Variants in GLIS3 observed in about 807,000 individuals in gnomAD.
GLIS3 encodes the protein GLIS family zinc finger 3, also known as zinc finger protein GLIS3.
GLIS3 carries 53 observed loss-of-function variants against 78.6 expected under a neutral mutation model. The ratio of observed to expected loss-of-function variants is 0.67; its 90% CI spans 0.54 to 0.85. The LOEUF (loss-of-function observed/expected upper bound fraction) is 0.85, where lower values mean the gene tolerates loss of function less well. GLIS3 is among the 40% of genes least tolerant of loss of function. The probability of loss-of-function intolerance (pLI) is 0.00; values close to 1 mark genes in which losing one functional copy is unlikely to be tolerated. For missense variants in GLIS3, 1,703 were observed against 1,231.1 expected, an observed-to-expected ratio of 1.38 and a Z score of -5.74; for synonymous variants, 684 against 509.9, an observed-to-expected ratio of 1.34 and a Z score of -4.60.
intron 2 of GLIS3, among the ~76,000 whole-genome samples, chr9:4,245,023 TA>T (rs1269923895): frequency 6.6e-6 from 1 of 152,212 alleles, no homozygotes; most frequent in Non-Finnish European, 1.5e-5. Context: ...AGAAGATCCT[TA>T]ATCAAATAAA....
the GLIS3 span, among the ~76,000 whole-genome samples, chr9:4,467,024 T>A: frequency 4.6e-3 from 696 of 152,302 alleles, 4 homozygotes; most frequent in African/African-American, 0.016. Context: ...CCACGGTGCC[T>A]CACTCACTGC....
intron 2 of GLIS3, among the ~76,000 whole-genome samples, chr9:4,163,091 C>T (rs1179026580): frequency 2.6e-5 from 4 of 152,162 alleles, no homozygotes; most frequent in South Asian, 4.1e-4. Flanking sequence ...TTATACATCA[C>T]CTCCACTAGA....
rs369866549 is a variant in GLIS3 at position 3,883,030 on chromosome 9, G to T, written c.2129-3435C>A. 3.3e-5 allele frequency among the ~76,000 whole-genome samples: 5 copies of T among 152,130 alleles called. 1 individual carries two copies. Among genetic ancestry groups the T allele is most frequent in the Admixed American group, 1.3e-4 (2 of 15,270 alleles). On this transcript the variant is annotated intron_variant, in intron 7 of 10. Transcript: ENST00000381971. ...GATGATGACCAGAAATTTGGAGGAA[G>T]TAACAACAGACACAAGCATGCTTTC... is the stretch of plus-strand genomic sequence containing the variant.
chr9:4,330,196 C>T (rs1441299655), intron 2 of GLIS3, among the ~76,000 whole-genome samples: 2 of 152,132 alleles, frequency 1.3e-5, no homozygotes, highest in African/African-American at 4.8e-5. Context: ...CTGGATTTTG[C>T]CAGTAGAAGG....
At chr9:4,430,812 T>C in the GLIS3 span, among the ~76,000 whole-genome samples, 11 of 152,216 alleles carry the variant, frequency 7.2e-5, no homozygotes, top group African/African-American at 9.7e-5. Context: ...AACTAGGACA[T>C]TGAGTCACTT....
chr9:4,056,587 G>C (rs141940909), intron 4 of GLIS3, among the ~76,000 whole-genome samples: 2 of 152,162 alleles, frequency 1.3e-5, no homozygotes, highest in Non-Finnish European at 2.9e-5. Flanking sequence ...AGGTTGAAGA[G>C]AGAAGAGAGA....
Position 3,826,031 on chromosome 9 carries a change from C to G in GLIS3, c.*2241G>C, listed in dbSNP as rs1020547235. 6.6e-6 allele frequency: 1 copy of G among 152,154 alleles called. No homozygotes were observed. The highest frequency in any genetic ancestry group is 1.5e-5 in the Non-Finnish European group (1 of 68,042). The allele number at this position is 152,154 out of a possible 1,614,324, so 9.4% of individuals were successfully genotyped here. A position where few individuals can be genotyped will look rare whatever the true frequency, so the allele number is the denominator to read the frequency against. ...ACTGGAGCCTGGTTCACAAGCAGCT[C>G]CTCTCAAAGAGGGAGGTGATGTCCA... On this transcript the variant is annotated 3_prime_UTR_variant, in exon 11 of 11. Coordinates refer to ENST00000381971, the MANE Select transcript of GLIS3 (RefSeq NM_001042413.2).
chr9:4,049,850 C>G (rs1159019160), intron 4 of GLIS3, among the ~76,000 whole-genome samples: 2 of 152,138 alleles, frequency 1.3e-5, no homozygotes, highest in Non-Finnish European at 2.9e-5. Context: ...TGAAAAAATG[C>G]TCATCATCAC....
chr9:4,430,100 G>C, the GLIS3 span, among the ~76,000 whole-genome samples: 4 of 152,140 alleles, frequency 2.6e-5, no homozygotes, highest in African/African-American at 7.2e-5. Flanking sequence ...CCGGGAATGA[G>C]ATCCAGGAAC....
chr9:4,166,375 G>A, intron 2 of GLIS3, among the ~76,000 whole-genome samples: 1 of 152,080 alleles, frequency 6.6e-6, no homozygotes, highest in East Asian at 1.9e-4. Flanking sequence ...AACCAGTAAG[G>A]ACAAGAAAAA....
At chr9:4,169,956 G>C (rs2131124008) in intron 2 of GLIS3, among the ~76,000 whole-genome samples, 1 of 152,218 alleles carries the variant, frequency 6.6e-6, no homozygotes, top group South Asian at 2.1e-4. Flanking sequence ...TTAGACACAA[G>C]CGTCCTCACA....
chr9:4,287,016 A>G (rs993046954), intron 1 of GLIS3, among the ~76,000 whole-genome samples: 1 of 152,222 alleles, frequency 6.6e-6, no homozygotes, highest in African/African-American at 2.4e-5. Context: ...TTTAAGAGCT[A>G]TCTTGTCACA....
At chr9:3,931,808 T>C (rs776211146) in intron 6 of GLIS3, among the ~76,000 whole-genome samples, 22 of 152,320 alleles carry the variant, frequency 1.4e-4, no homozygotes, top group Middle Eastern at 3.4e-3. Flanking sequence ...GTCAAAGTGG[T>C]TTTAAGTTCA....
At chr9:4,317,989 G>C (rs1356360005) in intron 2 of GLIS3, among the ~76,000 whole-genome samples, 1 of 152,190 alleles carries the variant, frequency 6.6e-6, no homozygotes, top group African/African-American at 2.4e-5. Context: ...TCTCTGTGAA[G>C]ATAGACTTAG....
the GLIS3 span, among the ~76,000 whole-genome samples, chr9:4,358,318 G>C: frequency 7.8e-6 from 1 of 127,668 alleles, no homozygotes; most frequent in African/African-American, 2.7e-5. Flanking sequence ...TATCACTTTT[G>C]TAATTTACAA....
intron 2 of GLIS3, among the ~76,000 whole-genome samples, chr9:4,264,459 T>C (rs1194019862): frequency 5.3e-5 from 8 of 152,242 alleles, no homozygotes; most frequent in African/African-American, 9.6e-5. Context: ...AGTTACATCA[T>C]GTTAATTCTT....
the GLIS3 span, among the ~76,000 whole-genome samples, chr9:4,381,449 C>T: frequency 1.3e-5 from 2 of 152,118 alleles, no homozygotes; most frequent in Non-Finnish European, 1.5e-5. Flanking sequence ...TAAGCACCAA[C>T]CGGACGGACA....
chr9:4,002,374 G>T (rs754144578), intron 4 of GLIS3, among the ~76,000 whole-genome samples: 1 of 152,150 alleles, frequency 6.6e-6, no homozygotes, highest in South Asian at 2.1e-4. Context: ...CAATAAATTT[G>T]TGTTATTTGA....
At chr9:4,302,576 C>T (rs1257595390), upstream of GLIS3, among the ~76,000 whole-genome samples, 1 of 152,192 alleles carries the variant, frequency 6.6e-6, no homozygotes, top group Non-Finnish European at 1.5e-5. Flanking sequence ...ATCTAATTCT[C>T]AAATCAAATG....
Sources: allele counts gnomAD v4.1 joint callset (sites outside exome capture counted in the v4.1 genomes callset), GRCh38; gene constraint gnomAD v4.1.1; transcripts MANE v1.5; gene names NCBI Gene and HGNC (gene_info 2026-07-23, HGNC 2026-07-21).